The following SF1 variants were observed in gnomAD, a reference collection of about 807,000 sequenced individuals.
The protein encoded by SF1 is branch point-binding protein.
SF1 carries 7 observed loss-of-function variants against 62.5 expected under a neutral mutation model. The ratio of observed to expected loss-of-function variants is 0.11; its 90% CI spans 0.06 to 0.21. The LOEUF is 0.21. Ranked by LOEUF, SF1 falls within the 10% of genes least tolerant of loss-of-function variation. SF1 has a pLI of 1.00. For missense variants in SF1, 578 were observed against 884.0 expected (o/e 0.65, Z 4.39); for synonymous variants, 394 against 323.6 (o/e 1.22, Z -2.33).
chr11:64,771,966 C>T (rs1938393485), intron 3 of SF1: 1 of 985,288 alleles, frequency 1.0e-6, no homozygotes, highest in East Asian at 1.1e-4. Flanking sequence ...CTTGACATTT[C>T]TAATTCCCAC....
intron 8 of SF1, 37 bp downstream of exon 8, chr11:64,768,985 G>T: frequency 7.1e-7 from 1 of 1,405,326 alleles, no homozygotes; most frequent in Non-Finnish European, 1.0e-6. Flanking sequence ...CCTGCACATC[G>T]CAGGCTACCA....
intron 1 of SF1, chr11:64,777,869 TCCCCGTGCGCGCACGCGCGC>T (rs1183830243): frequency 2.5e-5 from 23 of 928,474 alleles, no homozygotes; most frequent in Middle Eastern, 1.1e-3. Context: ...CGCCCGGGCC[TCCCCGTGCGCGCACGCGCGC>T]CCCTGCCGCG....
rs369553917 is a variant in SF1, at chr11:64,770,321, C to T, written c.324G>A (p.Glu108=). ...EFRTRKKLEE[E]RHNLITEMVA... is the part of the protein sequence containing the mutation. ...CCATCTCTGTGATGAGGTTGTGCCG[C>T]TCCTCTTCCAGCTTTTTGCGGGTGC... is the stretch of plus-strand genomic sequence containing the variant. The change falls in exon 4 of 13, where the codon GAG becomes GAA. Residue 108 remains glutamate (E), a synonymous_variant. Transcript: ENST00000377390. 8 of 1,614,016 alleles carry T rather than the reference C, an allele frequency of 5.0e-6. No individual in the cohort carries two copies. In the African/African-American group the frequency reaches 9.3e-5, roughly 19 times the overall value.
intron 1 of SF1, 98 bp from the exon 2 acceptor site, chr11:64,776,724 G>C (rs898427305): frequency 8.7e-7 from 1 of 1,150,332 alleles, no homozygotes; most frequent in African/African-American, 1.6e-5. Flanking sequence ...TCAGCAGACT[G>C]TGAAGCTGAG....
chr11:64,775,375 T>C (rs1393147194), intron 2 of SF1, among the ~76,000 whole-genome samples: 9 of 152,224 alleles, frequency 5.9e-5, no homozygotes, highest in Admixed American at 5.9e-4. Context: ...ATCACTCCAC[T>C]AGGGGCATTT....
At chr11:64,767,883 C>G (rs746390560) in intron 9 of SF1, 39 bp from the exon 10 acceptor site, 1 of 1,598,852 alleles carries the variant, frequency 6.3e-7, no homozygotes, top group East Asian at 2.2e-5. Flanking sequence ...CCTGCCTGCG[C>G]CTCCTAGTGG....
At chr11:64,777,586 G>C in intron 1 of SF1, 2 of 985,446 alleles carry the variant, frequency 2.0e-6, no homozygotes, top group Non-Finnish European at 2.4e-6. Flanking sequence ...AGACCAGAAG[G>C]GAGTCGCTGC....
At position 64,767,515 on chromosome 11, in the gene SF1, C is replaced by T. The variant is rs144760779; in HGVS notation, c.1342+56G>A. The T allele has an allele frequency of 2.8e-4, 423 of 1,494,924 alleles. 2 individuals are homozygous for T. The African/African-American group carries it at 4.3e-3, about 15-fold the overall frequency. 92.6% of individuals were successfully genotyped at this position (1,494,924 alleles called of 1,614,324 possible). A position where few individuals can be genotyped will look rare whatever the true frequency, so the allele number is the denominator to read the frequency against. ...CTGCTTCTAGCCAACAGCGACCTGA[C>T]GTAACCCCTTGCTTATCCCAAAGCC... On this transcript the variant is annotated intron_variant, in intron 10 of 12. Transcript: ENST00000377390.
rs965540916 is a variant in SF1, at chr11:64,772,669, G to A, written c.236+761C>T. 4.1e-6 allele frequency: 4 copies of A among 985,196 alleles called. No individual in the cohort carries two copies. In the Admixed American group the frequency reaches 2.5e-4, roughly 61 times the overall value. The allele number at this position is 985,196 out of a possible 1,614,324, so 61.0% of individuals were successfully genotyped here. ...CCTTCTAATTAAATGACCAATTTTA[G>A]CTGTTCAATCAGCTAATAAAATTCC... On this transcript the variant is annotated intron_variant, in intron 3 of 12. Coordinates refer to ENST00000377390, the MANE Select transcript of SF1 (RefSeq NM_004630.4).
chr11:64,768,250 C>T lies in SF1; in HGVS notation c.924G>A (p.Arg308=). 1.2e-6 allele frequency: 2 copies of T among 1,613,680 alleles called. No individual in the cohort carries two copies. The highest frequency in any genetic ancestry group is 1.7e-6 in the Non-Finnish European group (2 of 1,179,858). The part of the protein sequence containing the change: ...GDPQSAQDKA[R]MDKEYLSLMA... ...TGAGGGACAAATATTCTTTATCCAT[C>T]CGTGCTTTATCCTGAGCTGACTGAG... is the stretch of plus-strand genomic sequence containing the variant. Residue 308 remains arginine (R), a synonymous_variant, in exon 9 of 13, where the codon CGG becomes CGA. Transcript: ENST00000377390.
intron 2 of SF1, among the ~76,000 whole-genome samples, chr11:64,774,479 T>C (rs1478542724): frequency 6.6e-6 from 1 of 152,166 alleles, no homozygotes; most frequent in Non-Finnish European, 1.5e-5. Flanking sequence ...CTTCGCAGCA[T>C]CTGAGAATTT....
intron 10 of SF1, 108 bp from the exon 11 acceptor site, chr11:64,767,359 G>A (rs2058753115): frequency 8.3e-7 from 1 of 1,200,242 alleles, no homozygotes; most frequent in East Asian, 2.4e-5. Context: ...TGAAAACCAT[G>A]CCTGTAAAAG....
At chr11:64,772,142 A>C in intron 3 of SF1, 1 of 985,236 alleles carries the variant, frequency 1.0e-6, no homozygotes, top group Non-Finnish European at 1.2e-6. Flanking sequence ...CGACTTCTTC[A>C]CCTCCAACAG....
In SF1 at chr11:64,765,975, G is replaced by A. The variant is rs2058629452; in HGVS notation, c.1763C>T (p.Pro588Leu). The part of the protein sequence containing the change: ...PPGAPPPPPP[P>L]PPGSAGMMYA... The stretch of plus-strand genomic sequence containing the variant: ...CATCATGCCGGCGGAACCAGGCGGT[G>A]GAGGCGGCGGAGGGGGAGGGGCCCC... Residue 588 changes from proline to leucine, a missense_variant, in exon 13 of 13, where the codon CCA (proline) becomes CTA (leucine). By Grantham distance (98) the Pro-to-Leu change is moderately conservative. Coordinates refer to ENST00000377390, the MANE Select transcript of SF1 (RefSeq NM_004630.4). 1.9e-6 allele frequency: 3 copies of A among 1,597,320 alleles called. No homozygotes were observed. The highest frequency in any genetic ancestry group is 2.3e-5 in the East Asian group (1 of 44,184).
rs748862386 is a variant in SF1 at position 64,767,070 on chromosome 11, G to A, written c.1412C>T (p.Pro471Leu). 8.2e-6 allele frequency: 13 copies of A among 1,586,066 alleles called. No individual in the cohort carries two copies. Among genetic ancestry groups the A allele is most frequent in the African/African-American group, 2.7e-5 (2 of 74,000 alleles). ...CGGCATCATGCCCATAGGTGGTGGCGGCATCATACCTGTGGACAGGTGGAG... is the reference window on the plus strand; with the variant it reads ...CGGCATCATGCCCATAGGTGGTGGCAGCATCATACCTGTGGACAGGTGGAG... ...YRLHQGKGMM[P>L]PPPMGMMPPP... Residue 471 changes from proline to leucine, a missense_variant, in exon 12 of 13, where the codon CCG becomes CTG. Pro to Leu is a moderately conservative substitution (Grantham distance 98, BLOSUM62 -3). Transcript: ENST00000377390.
At chr11:64,766,866 ACCC>A in intron 12 of SF1, 31 bp downstream of exon 12, 76 of 181,178 alleles carry the variant, frequency 4.2e-4, no homozygotes, top group Non-Finnish European at 7.0e-4. Context: ...CCCCCATCCC[ACCC>A]ACCCCCACAA....
At position 64,767,085 on chromosome 11, in the gene SF1, G is replaced by A. The variant is rs1410575016; in HGVS notation, c.1403-6C>T. 3 of 1,601,414 alleles carry A rather than the reference G, an allele frequency of 1.9e-6. No individual in the cohort carries two copies. Among genetic ancestry groups the A allele is most frequent in the South Asian group, 1.1e-5 (1 of 89,736 alleles). On this transcript the variant is annotated splice_polypyrimidine_tract_variant and splice_region_variant and intron_variant, in intron 11 of 12. Transcript: ENST00000377390. ...AGGTGGTGGCGGCATCATACCTGTG[G>A]ACAGGTGGAGGCAAAGATGAGGCCT...
At chr11:64,777,620 G>A in intron 1 of SF1, 1 of 985,438 alleles carries the variant, frequency 1.0e-6, no homozygotes, top group African/African-American at 1.7e-5. Context: ...AGGCTTTCAC[G>A]CCCTGCTGGC....
rs933425445 is a variant in SF1 at position 64,773,355 on chromosome 11, T to C, written c.236+75A>G. The C allele has an allele frequency of 5.7e-6, 9 of 1,567,752 alleles. No individual in the cohort carries two copies. The African/African-American group carries it at 9.5e-5, about 17-fold the overall frequency. ...CTATGATTTTATTGAACTGACACAATATGTTGCCACCAGTAAAACGTATTG... is the reference window on the plus strand; with the variant it reads ...CTATGATTTTATTGAACTGACACAACATGTTGCCACCAGTAAAACGTATTG... On this transcript the variant is annotated intron_variant, in intron 3 of 12. Coordinates refer to ENST00000377390, the MANE Select transcript of SF1 (RefSeq NM_004630.4).
Sources: gnomAD v4.1 joint callset for allele counts (sites outside exome capture counted in the v4.1 genomes callset) on GRCh38, gnomAD v4.1.1 for gene constraint, MANE v1.5 for transcripts, NCBI Gene and HGNC (gene_info 2026-07-23, HGNC 2026-07-21) for gene names.